The following LDHB variants were observed in gnomAD, a reference collection of about 807,000 sequenced individuals.
LDHB encodes the protein lactate dehydrogenase B.
Under a neutral mutation model 33.4 loss-of-function variants are expected in LDHB, and 18 were observed. That is an observed-to-expected ratio of 0.54 (90% CI 0.37 to 0.80). LDHB has a LOEUF of 0.80. Among genes scored for constraint, LDHB ranks in the 30% least tolerant of loss-of-function variants. LDHB has a pLI of 0.00. For synonymous variants in LDHB, 121 were observed against 140.6 expected, an observed-to-expected ratio of 0.86 and a Z score of 0.98; for missense variants, 345 against 407.9, an observed-to-expected ratio of 0.85 and a Z score of 1.33.
At position 21,650,152 on chromosome 12, in the gene LDHB, G is replaced by GTATA. The variant is rs1565629932; in HGVS notation, c.130-3137_130-3136insTATA. ...CACACACACACACACACACACACAC[G>GTATA]TCTCTCTCTCCAAGTGTTTAGTATG... On this transcript the variant is annotated intron_variant, in intron 2 of 7. Transcript: ENST00000350669. Among the ~76,000 whole-genome samples, 45 of 44,096 alleles carry GTATA rather than the reference G, an allele frequency of 1.0e-3. 5 individuals are homozygous for GTATA. The highest frequency in any genetic ancestry group is 1.9e-3 in the African/African-American group (32 of 16,790). 28.9% of individuals were successfully genotyped at this position (44,096 alleles called of 152,430 possible). A position where few individuals can be genotyped will look rare whatever the true frequency, so the allele number is the denominator to read the frequency against.
intron 4 of LDHB, among the ~76,000 whole-genome samples, chr12:21,642,677 T>C (rs969257036): frequency 2.0e-5 from 3 of 152,182 alleles, no homozygotes; most frequent in African/African-American, 4.8e-5. Context: ...CAGCGTGGCA[T>C]AGCCTTAAAA....
intron 1 of LDHB, among the ~76,000 whole-genome samples, chr12:21,655,816 ATG>A (rs1938828733): frequency 6.6e-6 from 1 of 152,364 alleles, no homozygotes; most frequent in Non-Finnish European, 1.5e-5. Flanking sequence ...AGATAACCAG[ATG>A]TGTTTTCTAG....
At chr12:21,641,893 A>G in intron 5 of LDHB, 59 bp downstream of exon 5, 1 of 1,438,904 alleles carries the variant, frequency 6.9e-7, no homozygotes, top group South Asian at 1.2e-5. Flanking sequence ...AAATAAAATG[A>G]AAAATTCAAA....
At chr12:21,638,656 T>C (rs868094881) in intron 5 of LDHB, 186 bp from the exon 6 acceptor site, 219 of 578,132 alleles carry the variant, frequency 3.8e-4, no homozygotes, top group Middle Eastern at 1.4e-3. Flanking sequence ...TGCCTTCAAA[T>C]AGCAACATGT....
intron 1 of LDHB, among the ~76,000 whole-genome samples, chr12:21,655,551 A>G (rs1056584399): frequency 1.3e-5 from 2 of 152,266 alleles, no homozygotes; most frequent in African/African-American, 4.8e-5. Context: ...ATGGCAATGA[A>G]TAATTTTTAT....
At chr12:21,647,816 C>T (rs948276056) in intron 2 of LDHB, among the ~76,000 whole-genome samples, 3 of 151,548 alleles carry the variant, frequency 2.0e-5, no homozygotes, top group African/African-American at 4.9e-5. Flanking sequence ...CCAGCCTCAG[C>T]CTCCTGAGTA....
intron 6 of LDHB, among the ~76,000 whole-genome samples, chr12:21,638,142 T>G (rs1397516388): frequency 6.6e-6 from 1 of 152,024 alleles, no homozygotes; most frequent in Non-Finnish European, 1.5e-5. Flanking sequence ...ACCTCTACAA[T>G]AGAGTTTCTC....
At chr12:21,638,979 T>C (rs1416814181) in intron 5 of LDHB, among the ~76,000 whole-genome samples, 3 of 151,960 alleles carry the variant, frequency 2.0e-5, no homozygotes, top group Non-Finnish European at 2.9e-5. Context: ...CAGAAAGAAC[T>C]ACACAAAATG....
intron 5 of LDHB, 38 bp from the exon 6 acceptor site, chr12:21,638,508 C>A: frequency 7.6e-7 from 1 of 1,315,952 alleles, no homozygotes; most frequent in Non-Finnish European, 1.1e-6. Context: ...GCAGTTATTT[C>A]TTACATTATT....
chr12:21,654,166 C>A (rs796370755), intron 2 of LDHB, among the ~76,000 whole-genome samples: 1 of 152,190 alleles, frequency 6.6e-6, no homozygotes, highest in Admixed American at 6.5e-5. Flanking sequence ...GGTTGAGTAA[C>A]AGTTCCAGCT....
At chr12:21,653,570 T>C (rs7298826) in intron 2 of LDHB, among the ~76,000 whole-genome samples, 30 of 152,286 alleles carry the variant, frequency 2.0e-4, no homozygotes, top group African/African-American at 6.5e-4. Context: ...TAGATAGATA[T>C]AGACAAATAC....
At position 21,657,837 on chromosome 12, in the gene LDHB, T is replaced by A. The variant is rs573843417; in HGVS notation, c.-93A>T. 4 of 152,482 alleles carry A rather than the reference T, an allele frequency of 2.6e-5. No individual in the cohort carries two copies. Among genetic ancestry groups the A allele is most frequent in the African/African-American group, 7.2e-5 (3 of 41,464 alleles). 9.4% of individuals were successfully genotyped at this position (152,482 alleles called of 1,614,324 possible). ...CGTGCGTCTCCTCCGGCGCCGGCTC[T>A]GCAAGGAGGGAGGAGGGGGCGGGGC... On this transcript the variant is annotated 5_prime_UTR_variant, in exon 1 of 8. Transcript: ENST00000350669.
chr12:21,644,199 A>G (rs1591830494), intron 3 of LDHB, 91 bp from the exon 4 acceptor site: 1 of 929,374 alleles, frequency 1.1e-6, no homozygotes, highest in East Asian at 2.5e-5. Flanking sequence ...CTAACCATAC[A>G]TAAGCTTCTA....
chr12:21,637,241 A>G (rs1008598926), intron 6 of LDHB, 47 bp from the exon 7 acceptor site: 1 of 1,464,452 alleles, frequency 6.8e-7, no homozygotes, highest in Admixed American at 1.7e-5. Context: ...CTCAATCATT[A>G]TTGAAACCAG....
intron 1 of LDHB, chr12:21,657,194 G>C (rs1677073): frequency 0.94 from 143,453 of 152,288 alleles, 68,126 homozygotes; most frequent in East Asian, 1. Flanking sequence ...GGCCCTGCAG[G>C]AAAGAACTGG....
At chr12:21,644,321 C>T (rs758379896) in intron 3 of LDHB, among the ~76,000 whole-genome samples, 37 of 150,572 alleles carry the variant, frequency 2.5e-4, no homozygotes, top group Non-Finnish European at 2.2e-4. Context: ...CATCAAACTG[C>T]CTCAGAAAAT....
chr12:21,651,528 G>C (rs1316675126), intron 2 of LDHB, among the ~76,000 whole-genome samples: 1 of 152,134 alleles, frequency 6.6e-6, no homozygotes, highest in Non-Finnish European at 1.5e-5. Flanking sequence ...TTTAACTTCT[G>C]GGGGCAAGGT....
intron 3 of LDHB, 146 bp from the exon 4 acceptor site, chr12:21,644,254 GT>G: frequency 1.6e-6 from 1 of 635,466 alleles, no homozygotes; most frequent in Non-Finnish European, 2.7e-6. Flanking sequence ...AGGGCTTGAA[GT>G]TTAATGTTCC....
intron 6 of LDHB, 151 bp from the exon 7 acceptor site, chr12:21,637,345 GAATT>G (rs753146321): frequency 8.3e-5 from 52 of 629,594 alleles, no homozygotes; most frequent in Non-Finnish European, 1.3e-4. Flanking sequence ...AGTGTTAAAT[GAATT>G]AATATATATG....
Sources: allele counts gnomAD v4.1 joint callset (sites outside exome capture counted in the v4.1 genomes callset), GRCh38; gene constraint gnomAD v4.1.1; transcripts MANE v1.5; gene names NCBI Gene and HGNC (gene_info 2026-07-23, HGNC 2026-07-21).